The following ABCC4 variants were observed in gnomAD, a reference collection of about 807,000 sequenced individuals.
ABCC4 encodes the protein ATP binding cassette subfamily C member 4 (PEL blood group).
Under a neutral mutation model 168.5 loss-of-function variants are expected in ABCC4, and 102 were observed. That is an observed-to-expected ratio of 0.61 (90% confidence interval 0.52 to 0.71). The LOEUF (loss-of-function observed/expected upper bound fraction) is 0.71, where lower values mean the gene tolerates loss of function less well. Among genes scored for constraint, ABCC4 ranks in the 30% least tolerant of loss-of-function variants. ABCC4 has a pLI of 0.00. For missense variants in ABCC4, 1,402 were observed against 1,605.8 expected (o/e 0.87, Z 2.17); for synonymous variants, 617 against 590.7 (o/e 1.04, Z -0.65).
intron 19 of ABCC4, among the ~76,000 whole-genome samples, chr13:95,130,936 CT>C (rs1174473473): frequency 6.6e-6 from 1 of 151,920 alleles, no homozygotes; most frequent in Admixed American, 6.6e-5. Context: ...CAAGAAAATG[CT>C]TTTTTTTCTC....
chr13:95,146,075 G>C (rs771946296), intron 19 of ABCC4, among the ~76,000 whole-genome samples: 24 of 152,084 alleles, frequency 1.6e-4, no homozygotes, highest in Non-Finnish European at 3.2e-4. Flanking sequence ...GCTGGGCATG[G>C]TGATATGCGC....
chr13:95,157,395 T>C (rs190997297), intron 19 of ABCC4, among the ~76,000 whole-genome samples: 10 of 150,498 alleles, frequency 6.6e-5, no homozygotes, highest in East Asian at 2.0e-4. Context: ...ACTCAGGAGA[T>C]AGACACATGA....
rs781054567 is a variant in ABCC4, at chr13:95,043,685, T to C, written c.3732A>G (p.Ile1244Met). 8 of 1,610,942 alleles carry C rather than the reference T, an allele frequency of 5.0e-6. No homozygotes were observed. The highest frequency in any genetic ancestry group is 5.9e-6 in the Non-Finnish European group (7 of 1,177,630). The change falls in exon 29 of 31, where the codon ATA becomes ATG. Residue 1244 changes from isoleucine (I) to methionine (M), a missense_variant. By Grantham distance (10) the Ile-to-Met change is conservative. This residue lies in a region of ABCC4 where 1,007 missense variants were observed against 1,127.3 expected (regional missense o/e 0.89). Transcript: ENST00000645237. ...ATTCCGCAGGTGAAGGACTCACCAT[T>C]ATCTTGTCGCTGTCAATAATGGTGT... ...RLNTIIDSDK[I>M]MVLDSGRLKE...
chr13:95,224,122 G>A (rs1325106755), intron 4 of ABCC4, among the ~76,000 whole-genome samples: 1 of 147,822 alleles, frequency 6.8e-6, no homozygotes, highest in African/African-American at 2.5e-5. Flanking sequence ...ACTCCGAGAA[G>A]TATAAATACC....
At position 95,186,749 on chromosome 13, in the gene ABCC4, G is replaced by A. The variant is rs1557070; in HGVS notation, c.1497C>T (p.Tyr499=). 0.014 allele frequency: 23,191 copies of A among 1,613,700 alleles called. 2,563 individuals carry two copies. In the African/African-American group the frequency reaches 0.25, roughly 18 times the overall value. The stretch of plus-strand genomic sequence containing the variant: ...TGACTTTTTCATATCGTTCCTTTTC[G>A]TATTTCTTCCCAAATAAAATATTAC... ...LRSNILFGKK[Y]EKERYEKVIK... is the part of the protein sequence containing the mutation. Residue 499 remains tyrosine (Y), a synonymous_variant, in exon 11 of 31, where the codon TAC becomes TAT. Coordinates refer to ENST00000645237, the MANE Select transcript of ABCC4 (RefSeq NM_005845.5).
chr13:95,173,350 A>G (rs6492768), intron 13 of ABCC4, among the ~76,000 whole-genome samples: 40,520 of 152,218 alleles, frequency 0.27, 5,374 homozygotes, highest in East Asian at 0.35. Flanking sequence ...GGAAGAACAC[A>G]TAGGTGGATC....
At position 95,232,984 on chromosome 13, in the gene ABCC4, C is replaced by T. The variant is rs140810595; in HGVS notation, c.531+1626G>A. 1.2e-3 allele frequency among the ~76,000 whole-genome samples: 190 copies of T among 152,248 alleles called. 1 individual carries two copies. The highest frequency in any genetic ancestry group is 2.7e-3 in the Admixed American group (41 of 15,278). On this transcript the variant is annotated intron_variant, in intron 4 of 30. Transcript: ENST00000645237. ...CCTTTCCTGTGCATGGGTTTGGCATCCCTGGACTCAACCAACCTGGGGTTG... is the reference window on the plus strand; with the variant it reads ...CCTTTCCTGTGCATGGGTTTGGCATTCCTGGACTCAACCAACCTGGGGTTG...
At chr13:95,021,775 T>A in intron 30 of ABCC4, 93 bp from the exon 31 acceptor site, 1 of 841,994 alleles carries the variant, frequency 1.2e-6, no homozygotes, top group Non-Finnish European at 1.9e-6. Flanking sequence ...CTTCTTCATG[T>A]GAAGCAAATC....
chr13:95,092,443 A>T (rs1369190664), intron 20 of ABCC4, among the ~76,000 whole-genome samples: 1 of 152,182 alleles, frequency 6.6e-6, no homozygotes, highest in Non-Finnish European at 1.5e-5. Context: ...CCATGCAAAT[A>T]CATGGAAATT....
chr13:95,208,335 C>CAAAA (rs757937530), intron 6 of ABCC4, among the ~76,000 whole-genome samples: 3 of 75,806 alleles, frequency 4.0e-5, no homozygotes, highest in Admixed American at 1.2e-4. Context: ...AAGAGGAGAG[C>CAAAA]AAAAAAAAAA....
intron 19 of ABCC4, among the ~76,000 whole-genome samples, chr13:95,142,112 C>T (rs535331711): frequency 9.2e-5 from 14 of 152,244 alleles, no homozygotes; most frequent in East Asian, 7.7e-4. Flanking sequence ...GAAGTCATTA[C>T]GCGAAAAAGA....
chr13:95,224,406 A>G (rs1232822911), intron 4 of ABCC4, among the ~76,000 whole-genome samples: 1 of 152,178 alleles, frequency 6.6e-6, no homozygotes, highest in Non-Finnish European at 1.5e-5. Context: ...AGATTAAAGA[A>G]CAAAATGAGA....
intron 20 of ABCC4, among the ~76,000 whole-genome samples, chr13:95,110,694 G>A (rs542749959): frequency 1.1e-4 from 16 of 152,032 alleles, no homozygotes; most frequent in Admixed American, 2.0e-4. Flanking sequence ...CTGGCCCAGC[G>A]CAGTGCCTCA....
At chr13:95,045,104 G>C (rs1417112593) in intron 27 of ABCC4, among the ~76,000 whole-genome samples, 3 of 152,144 alleles carry the variant, frequency 2.0e-5, no homozygotes, top group Admixed American at 2.0e-4. Context: ...CAACATGACA[G>C]CCAACAAGAA....
chr13:95,206,450 G>C (rs3818494), intron 8 of ABCC4, 82 bp downstream of exon 8: 977,942 of 1,545,510 alleles, frequency 0.63, 313,986 homozygotes, highest in Non-Finnish European at 0.66. Context: ...TCATTACACT[G>C]GAACATAGTG....
rs558739337 is a variant in ABCC4, at chr13:95,186,919, G to A, written c.1354-27C>T. 7 of 1,583,130 alleles carry A rather than the reference G, an allele frequency of 4.4e-6. No homozygotes were observed. The South Asian group carries it at 5.8e-5, about 13-fold the overall frequency. ...TGAAACAGATTGTAAAAAAGCACATGTTCAGTCAACACTCGAGACAAGAAT... is the reference window on the plus strand; with the variant it reads ...TGAAACAGATTGTAAAAAAGCACATATTCAGTCAACACTCGAGACAAGAAT... On this transcript the variant is annotated intron_variant, in intron 10 of 30. Transcript: ENST00000645237.
intron 1 of ABCC4, among the ~76,000 whole-genome samples, chr13:95,249,308 T>A (rs1289250480): frequency 6.6e-6 from 1 of 152,160 alleles, no homozygotes; most frequent in Non-Finnish European, 1.5e-5. Context: ...TTACACAAAC[T>A]TCTTTCATCT....
At chr13:95,290,770 T>C (rs907655875) in intron 1 of ABCC4, among the ~76,000 whole-genome samples, 6 of 145,928 alleles carry the variant, frequency 4.1e-5, no homozygotes, top group South Asian at 2.1e-4. Context: ...CATCGCGCCA[T>C]TGCACTCCAG....
intron 1 of ABCC4, among the ~76,000 whole-genome samples, chr13:95,288,197 AAT>A (rs1449257412): frequency 8.5e-5 from 13 of 152,280 alleles, no homozygotes; most frequent in African/African-American, 2.9e-4. Context: ...ACACACAGCT[AAT>A]ATATACAAGA....
Sources: gnomAD v4.1 joint callset for allele counts (sites outside exome capture counted in the v4.1 genomes callset) on GRCh38, gnomAD v4.1.1 for gene constraint, gnomAD v4.1.1 regional missense constraint, MANE v1.5 for transcripts, NCBI Gene and HGNC (gene_info 2026-07-23, HGNC 2026-07-21) for gene names.